The following KCNH1 variants were observed in gnomAD, a reference collection of about 807,000 sequenced individuals.
KCNH1 encodes the protein potassium voltage-gated channel subfamily H member 1, also known as voltage-gated delayed rectifier potassium channel KCNH1.
In KCNH1, 27 loss-of-function variants were observed where a neutral mutation model predicts 69.2. The observed-to-expected ratio is 0.39, with a 90% confidence interval of 0.29 to 0.54. The LOEUF (loss-of-function observed/expected upper bound fraction) is 0.54. KCNH1 is among the 20% of genes least tolerant of loss of function. The probability of loss-of-function intolerance (pLI) is 0.68; values close to 1 mark genes in which losing one functional copy is unlikely to be tolerated. For missense variants in KCNH1, 798 were observed against 1,261.6 expected, an observed-to-expected ratio of 0.63 and a Z score of 5.57; for synonymous variants, 456 against 487.7, an observed-to-expected ratio of 0.93 and a Z score of 0.86.
At chr1:210,723,870 G>A (rs1682530578) in intron 10 of KCNH1, among the ~76,000 whole-genome samples, 1 of 152,082 alleles carries the variant, frequency 6.6e-6, no homozygotes, top group Admixed American at 6.6e-5. Flanking sequence ...TCCTCACGTG[G>A]ACAGAAGGTC....
intron 7 of KCNH1, among the ~76,000 whole-genome samples, chr1:210,867,817 A>G (rs1285766067): frequency 6.6e-6 from 1 of 152,030 alleles, no homozygotes; most frequent in African/African-American, 2.4e-5. Context: ...AGGATAATAT[A>G]TTTGAGATTC....
chr1:210,860,014 A>G, intron 7 of KCNH1: 2 of 1,584,960 alleles, frequency 1.3e-6, no homozygotes, highest in African/African-American at 1.3e-5. Context: ...AAGGGAATGC[A>G]CTGGTCAACG....
rs572085425 is a variant in KCNH1, at chr1:210,779,081, C to T, written c.1916-3537G>A. 2.0e-5 allele frequency among the ~76,000 whole-genome samples: 3 copies of T among 152,256 alleles called. No homozygotes were observed. In the South Asian group the frequency reaches 6.2e-4, roughly 32 times the overall value. On this transcript the variant is annotated intron_variant, in intron 9 of 10. Transcript: ENST00000271751. Reference sequence around the variant, plus strand: ...GTGCATCTGTAGAAATGACAACATTCCCATTATGAAACATTTTCCAATCAC... The same window carrying T: ...GTGCATCTGTAGAAATGACAACATTTCCATTATGAAACATTTTCCAATCAC...
At chr1:210,960,207 T>C (rs1279571635) in intron 6 of KCNH1, among the ~76,000 whole-genome samples, 2 of 152,208 alleles carry the variant, frequency 1.3e-5, no homozygotes, top group Non-Finnish European at 1.5e-5. Flanking sequence ...CCAATTTTAA[T>C]TGCATCTACC....
intron 6 of KCNH1, among the ~76,000 whole-genome samples, chr1:210,983,042 G>A (rs200235773): frequency 9.9e-5 from 15 of 152,004 alleles, no homozygotes; most frequent in Admixed American, 7.9e-4. Context: ...ATTTTTTCCC[G>A]TGTTTTTTGG....
intron 6 of KCNH1, among the ~76,000 whole-genome samples, chr1:210,954,622 T>C (rs1688132388): frequency 6.6e-6 from 1 of 152,236 alleles, no homozygotes; most frequent in Non-Finnish European, 1.5e-5. Flanking sequence ...TGATATCTCA[T>C]TGTGGCTTTG....
At chr1:210,960,764 A>G (rs1305023171) in intron 6 of KCNH1, among the ~76,000 whole-genome samples, 1 of 152,168 alleles carries the variant, frequency 6.6e-6, no homozygotes, top group Non-Finnish European at 1.5e-5. Context: ...TCTCTTCAGT[A>G]AATAAAAGTC....
At chr1:210,689,046 CAG>C (rs1681471834) in intron 10 of KCNH1, among the ~76,000 whole-genome samples, 1 of 152,234 alleles carries the variant, frequency 6.6e-6, no homozygotes, top group African/African-American at 2.4e-5. Flanking sequence ...AACCTAGAGA[CAG>C]AGGACACCTG....
rs539913863 is a variant in KCNH1, at chr1:210,833,566, A to G, written c.1463-29400T>C. Reference sequence around the variant, plus strand: ...GATTAAAGACTTAAACGTTAGACCTAAAACCATAAAAACCCTAGAAGAAAA... The same window carrying G: ...GATTAAAGACTTAAACGTTAGACCTGAAACCATAAAAACCCTAGAAGAAAA... On this transcript the variant is annotated intron_variant, in intron 7 of 10. Transcript: ENST00000271751. Among the ~76,000 whole-genome samples the G allele has an allele frequency of 2.9e-4, 44 of 152,316 alleles. 1 individual carries two copies. The South Asian group carries it at 8.9e-3, about 31-fold the overall frequency.
At chr1:210,994,273 C>T (rs1688984112) in intron 6 of KCNH1, among the ~76,000 whole-genome samples, 1 of 151,982 alleles carries the variant, frequency 6.6e-6, no homozygotes, top group African/African-American at 2.4e-5. Flanking sequence ...CTTGATTCAC[C>T]CATTCATTGT....
chr1:210,967,843 C>G (rs1688435885), intron 6 of KCNH1, among the ~76,000 whole-genome samples: 1 of 151,892 alleles, frequency 6.6e-6, no homozygotes, highest in Non-Finnish European at 1.5e-5. Flanking sequence ...TGACAGTGAA[C>G]ATTGTCTTGT....
intron 7 of KCNH1, among the ~76,000 whole-genome samples, chr1:210,906,913 G>A (rs1399802123): frequency 6.6e-6 from 1 of 152,070 alleles, no homozygotes; most frequent in Non-Finnish European, 1.5e-5. Flanking sequence ...ATAACCAAGT[G>A]GATAGATTAA....
At chr1:210,786,140 C>CA (rs1684097132) in intron 9 of KCNH1, among the ~76,000 whole-genome samples, 1 of 152,188 alleles carries the variant, frequency 6.6e-6, no homozygotes, top group Admixed American at 6.5e-5. Context: ...TCTTGCTCCT[C>CA]ACCCCCATAC....
intron 7 of KCNH1, among the ~76,000 whole-genome samples, chr1:210,870,413 C>A (rs983742722): frequency 2.0e-5 from 3 of 152,088 alleles, no homozygotes; most frequent in Non-Finnish European, 4.4e-5. Context: ...TTGGGTTTCC[C>A]AGCACAAGAA....
chr1:211,021,575 TAC>T (rs34414913), intron 5 of KCNH1, among the ~76,000 whole-genome samples: 53,533 of 149,262 alleles, frequency 0.36, 9,723 homozygotes, highest in Non-Finnish European at 0.39. Flanking sequence ...AAACATAGAC[TAC>T]ACACACACAC....
intron 7 of KCNH1, among the ~76,000 whole-genome samples, chr1:210,904,382 C>T (rs1170943912): frequency 1.3e-5 from 2 of 152,096 alleles, no homozygotes; most frequent in Non-Finnish European, 2.9e-5. Flanking sequence ...CCCACCACTC[C>T]AGGGCCTCAT....
At chr1:211,112,283 C>T (rs1467120349) in intron 1 of KCNH1, among the ~76,000 whole-genome samples, 5 of 134,234 alleles carry the variant, frequency 3.7e-5, no homozygotes, top group Admixed American at 7.4e-5. Context: ...CATCCCCCAC[C>T]GCCCACCCCC....
intron 10 of KCNH1, among the ~76,000 whole-genome samples, chr1:210,756,947 G>C (rs556396113): frequency 2.6e-5 from 4 of 152,188 alleles, no homozygotes; most frequent in African/African-American, 9.7e-5. Context: ...CTCTTCCTAG[G>C]TTCTTACTGA....
intron 7 of KCNH1, among the ~76,000 whole-genome samples, chr1:210,822,456 A>G (rs1032090814): frequency 1.4e-4 from 21 of 152,180 alleles, no homozygotes; most frequent in Admixed American, 1.1e-3. Context: ...CTTTTGCTAA[A>G]GAATTTATAC....
Sources: allele counts gnomAD v4.1 joint callset (sites outside exome capture counted in the v4.1 genomes callset), GRCh38; gene constraint gnomAD v4.1.1; transcripts MANE v1.5; gene names NCBI Gene and HGNC (gene_info 2026-07-23, HGNC 2026-07-21).